The following PHTF1 variants were observed in gnomAD, a reference collection of about 807,000 sequenced individuals.
PHTF1 encodes the protein putative homeodomain transcription factor 1, also known as protein PHTF1.
In PHTF1, 88 loss-of-function variants were observed where a neutral mutation model predicts 102.4. The observed-to-expected ratio is 0.86, with a 90% CI of 0.72 to 1.03. PHTF1 has a LOEUF of 1.03. Among genes scored for constraint, PHTF1 ranks in the 50% least tolerant of loss-of-function variants. PHTF1 has a pLI of 0.00. For missense variants in PHTF1, 814 were observed against 909.5 expected (o/e 0.89, Z 1.35); for synonymous variants, 289 against 305.2 (o/e 0.95, Z 0.55).
intron 11 of PHTF1, among the ~76,000 whole-genome samples, chr1:113,707,317 G>GAGAC (rs1650366026): frequency 6.6e-6 from 1 of 152,122 alleles, no homozygotes; most frequent in African/African-American, 2.4e-5. Flanking sequence ...AGCTCAAGTG[G>GAGAC]AGACAGTCAC....
intron 7 of PHTF1, among the ~76,000 whole-genome samples, chr1:113,717,935 C>A (rs115206669): frequency 0.018 from 2,695 of 152,172 alleles, 97 homozygotes; most frequent in African/African-American, 0.062. Context: ...CTGCTCCTTG[C>A]CTCTACAAAC....
chr1:113,711,464 C>A (rs139663708), intron 10 of PHTF1, among the ~76,000 whole-genome samples: 1 of 152,164 alleles, frequency 6.6e-6, no homozygotes, highest in African/African-American at 2.4e-5. Flanking sequence ...AAATAAACTT[C>A]ATATGCCAAG....
rs780172223 is a variant in PHTF1, at chr1:113,704,100, G to A, written c.1871C>T (p.Ala624Val). The A allele has an allele frequency of 1.9e-6, 3 of 1,611,648 alleles. No individual in the cohort carries two copies. The highest frequency in any genetic ancestry group is 2.5e-6 in the Non-Finnish European group (3 of 1,177,832). Residue 624 changes from alanine to valine, a missense_variant, in exon 15 of 19, where the codon GCT (alanine) becomes GTT (valine). Coordinates refer to ENST00000369604, the MANE Select transcript of PHTF1 (RefSeq NM_001323043.2). ...TTTTACCTGAGCACAACAAATGAAA[G>A]CAATCGAAAGTGTCAGTAGGAAAAC... is the stretch of plus-strand genomic sequence containing the variant. ...SSVFLLTLSI[A>V]FICCAQVLQG...
chr1:113,703,313 T>C (rs980030355), intron 15 of PHTF1, among the ~76,000 whole-genome samples: 17 of 152,220 alleles, frequency 1.1e-4, no homozygotes, highest in Non-Finnish European at 1.6e-4. Context: ...AGAGTATGCT[T>C]TGACCACAGT....
In PHTF1 at chr1:113,700,950, C is replaced by T. The variant is rs781723174; in HGVS notation, c.1891-1G>A. 6.3e-7 allele frequency: 1 copy of T among 1,597,598 alleles called. No homozygotes were observed. The highest frequency in any genetic ancestry group is 1.8e-5 in the Admixed American group (1 of 54,904). ...GGAAAGTTTTATGTCCTTGGAGAAC[C>T]TATACAAAGGATCAAAAAAAAGTTA... On this transcript the variant is annotated splice_acceptor_variant, in intron 15 of 18. Transcript: ENST00000369604. LOFTEE classifies it high-confidence loss of function.
chr1:113,713,563 C>T (rs1651508163), intron 7 of PHTF1, 125 bp from the exon 8 acceptor site: 3 of 629,424 alleles, frequency 4.8e-6, no homozygotes, highest in Middle Eastern at 4.2e-4. Flanking sequence ...TCATATTTTT[C>T]AGGACTTTAG....
At chr1:113,724,999 A>G in intron 6 of PHTF1, 106 bp from the exon 7 acceptor site, 1 of 760,404 alleles carries the variant, frequency 1.3e-6, no homozygotes, top group Non-Finnish European at 2.1e-6. Flanking sequence ...CCTTAAATCA[A>G]GTATAGTTTA....
intron 7 of PHTF1, among the ~76,000 whole-genome samples, chr1:113,723,464 C>T (rs966347980): frequency 2.0e-5 from 3 of 152,186 alleles, no homozygotes; most frequent in African/African-American, 7.2e-5. Flanking sequence ...AGGCATGAGC[C>T]ACTGTGCCCG....
At position 113,705,971 on chromosome 1, in the gene PHTF1, C is replaced by G. The variant is rs540546174; in HGVS notation, c.1590G>C (p.Ser530=). The part of the protein sequence containing the change: ...APPVTPIIVL[S]IINFFERLCL... ...ACAATCTTTCAAAAAAATTAATTAT[C>G]GACAAAACAATAATAGGTGTAACAG... Residue 530 remains serine, a synonymous_variant, in exon 13 of 19, where the codon TCG becomes TCC. Coordinates refer to ENST00000369604, the MANE Select transcript of PHTF1 (RefSeq NM_001323043.2). The G allele has an allele frequency of 1.2e-6, 2 of 1,613,638 alleles. No individual in the cohort carries two copies. The highest frequency in any genetic ancestry group is 2.7e-5 in the African/African-American group (2 of 75,004).
rs189103164 is a variant in PHTF1, at chr1:113,738,438, A to G, written c.173-170T>C. Among the ~76,000 whole-genome samples, 6 of 152,330 alleles carry G rather than the reference A, an allele frequency of 3.9e-5. No homozygotes were observed. The East Asian group carries it at 1.2e-3, about 29-fold the overall frequency. ...TTAAATGTAATAACTTCTTGCCTCA[A>G]TCACTAGGACAGAAGCTCAAAATAA... is the stretch of plus-strand genomic sequence containing the variant. On this transcript the variant is annotated intron_variant, in intron 4 of 18. Transcript: ENST00000369604.
chr1:113,717,623 G>C (rs1306415860), intron 7 of PHTF1, among the ~76,000 whole-genome samples: 1 of 152,154 alleles, frequency 6.6e-6, no homozygotes, highest in African/African-American at 2.4e-5. Flanking sequence ...GGAAGATAAA[G>C]AGATTTAACT....
intron 7 of PHTF1, 176 bp from the exon 8 acceptor site, chr1:113,713,614 C>G: frequency 1.8e-6 from 1 of 557,914 alleles, no homozygotes; most frequent in Non-Finnish European, 3.2e-6. Flanking sequence ...TACTCACTCA[C>G]AGACTCAGAA....
chr1:113,716,349 T>C (rs1652033701), intron 7 of PHTF1, among the ~76,000 whole-genome samples: 2 of 144,214 alleles, frequency 1.4e-5, no homozygotes, highest in African/African-American at 5.1e-5. Flanking sequence ...TCCCTTTTTT[T>C]TTTTTTTTTT....
chr1:113,699,795 TTAATC>T lies in PHTF1; in HGVS notation c.2047-1_2050del, dbSNP rs1241081123. The T allele has an allele frequency of 2.7e-6, 3 of 1,118,346 alleles. No homozygotes were observed. In the African/African-American group the frequency reaches 4.6e-5, roughly 17 times the overall value. 69.3% of individuals were successfully genotyped at this position (1,118,346 alleles called of 1,614,324 possible). On this transcript the variant is annotated splice_acceptor_variant and coding_sequence_variant, in exon 17 of 19. Transcript: ENST00000369604. LOFTEE classifies it high-confidence loss of function. ...CTTTTTTTCCATCTTAAGATATAAA[TTAATC>T]TAAGGGAAGGAATAGAAATTAAGGT...
chr1:113,720,158 C>T (rs919722683), intron 7 of PHTF1, among the ~76,000 whole-genome samples: 1 of 152,070 alleles, frequency 6.6e-6, no homozygotes, highest in African/African-American at 2.4e-5. Context: ...AGTAGCTATA[C>T]TTATATTGGT....
At position 113,700,963 on chromosome 1, in the gene PHTF1, CA is replaced by C. The variant is rs750626406; in HGVS notation, c.1891-15del. 121 of 1,568,020 alleles carry C rather than the reference CA, an allele frequency of 7.7e-5. No homozygotes were observed. The highest frequency in any genetic ancestry group is 1.7e-4 in the Middle Eastern group (1 of 5,888). ...TCCTTGGAGAACCTATACAAAGGAT[CA>C]AAAAAAAGTTAAGTTTTTCATTTAC... On this transcript the variant is annotated splice_polypyrimidine_tract_variant and intron_variant, in intron 15 of 18. Coordinates refer to ENST00000369604, the MANE Select transcript of PHTF1 (RefSeq NM_001323043.2).
intron 15 of PHTF1, 98 bp from the exon 16 acceptor site, chr1:113,701,047 C>T (rs889603081): frequency 5.6e-6 from 5 of 894,542 alleles, no homozygotes; most frequent in African/African-American, 1.7e-5. Context: ...TCCAAAAATC[C>T]AATATTTTAA....
At chr1:113,726,989 A>T (rs1316594663) in intron 5 of PHTF1, among the ~76,000 whole-genome samples, 3 of 152,176 alleles carry the variant, frequency 2.0e-5, no homozygotes, top group African/African-American at 7.2e-5. Flanking sequence ...CTTAACTACT[A>T]TGCTATGTTG....
chr1:113,729,245 G>GAGT (rs1284642534), intron 5 of PHTF1, among the ~76,000 whole-genome samples: 1 of 152,228 alleles, frequency 6.6e-6, no homozygotes, highest in African/African-American at 2.4e-5. Flanking sequence ...AGGAGACAGA[G>GAGT]AGTAGAAGGC....
Sources: gnomAD v4.1 joint callset for allele counts (sites outside exome capture counted in the v4.1 genomes callset) on GRCh38, gnomAD v4.1.1 for gene constraint, MANE v1.5 for transcripts, NCBI Gene and HGNC (gene_info 2026-07-23, HGNC 2026-07-21) for gene names.